Variants in C5 observed in about 807,000 individuals in gnomAD.
C5 encodes the protein C3 and PZP-like alpha-2-macroglobulin domain-containing protein 4.
In C5, 140 loss-of-function variants were observed where a neutral mutation model predicts 218.8. The ratio of observed to expected loss-of-function variants is 0.64; its 90% CI spans 0.56 to 0.74. The LOEUF is 0.74. C5 is among the 30% of genes least tolerant of loss of function. The pLI, the probability that C5 is intolerant of heterozygous loss-of-function variation, is 0.00. For synonymous variants in C5, 614 were observed against 682.3 expected (o/e 0.90, Z 1.56); for missense variants, 1,700 against 1,969.6 (o/e 0.86, Z 2.59).
At chr9:120,961,093 A>G (rs2046823971) in intron 37 of C5, among the ~76,000 whole-genome samples, 1 of 152,210 alleles carries the variant, frequency 6.6e-6, no homozygotes, top group Non-Finnish European at 1.5e-5. Context: ...GAAAGACTAA[A>G]TGGAACTGGA....
the C5 span, among the ~76,000 whole-genome samples, chr9:121,070,431 GTATATTC>G: frequency 1.8e-5 from 2 of 112,690 alleles, no homozygotes; most frequent in African/African-American, 7.9e-5. Flanking sequence ...ATATATGTAT[GTATATTC>G]TGTATGTGTA....
At chr9:121,013,300 C>T (rs1368228360) in intron 17 of C5, among the ~76,000 whole-genome samples, 1 of 131,206 alleles carries the variant, frequency 7.6e-6, no homozygotes, top group East Asian at 2.2e-4. Context: ...GCCTGGGTGA[C>T]AGAGCCAGAT....
At chr9:121,073,985 T>A in the C5 span, among the ~76,000 whole-genome samples, 1 of 152,080 alleles carries the variant, frequency 6.6e-6, no homozygotes, top group East Asian at 1.9e-4. Context: ...CAGGATAGAA[T>A]GATCGCGAGA....
At chr9:121,036,726 A>G (rs2047528375) in intron 4 of C5, among the ~76,000 whole-genome samples, 1 of 152,174 alleles carries the variant, frequency 6.6e-6, no homozygotes, top group South Asian at 2.1e-4. Flanking sequence ...AAGGATGTGT[A>G]TCACCCCCAC....
At chr9:120,994,079 T>C (rs1425440279) in intron 22 of C5, among the ~76,000 whole-genome samples, 1 of 152,150 alleles carries the variant, frequency 6.6e-6, no homozygotes, top group African/African-American at 2.4e-5. Context: ...CTAGAGCTAG[T>C]CTTAAGCATT....
intron 34 of C5, among the ~76,000 whole-genome samples, 155 bp from the exon 35 acceptor site, chr9:120,963,122 A>G (rs1231546019): frequency 1.3e-5 from 2 of 152,270 alleles, no homozygotes; most frequent in Non-Finnish European, 2.9e-5. Context: ...TGAACACATT[A>G]GCATATAAAC....
chr9:121,064,711 ATTAAATT>A, the C5 span, among the ~76,000 whole-genome samples: 1 of 152,254 alleles, frequency 6.6e-6, no homozygotes, highest in Non-Finnish European at 1.5e-5. Flanking sequence ...TGTCAATTAA[ATTAAATT>A]TTAAACATAT....
At chr9:121,031,996 G>T in intron 6 of C5, 117 bp downstream of exon 6, 1 of 611,268 alleles carries the variant, frequency 1.6e-6, no homozygotes, top group Non-Finnish European at 3.0e-6. Flanking sequence ...CCAGGAGGCG[G>T]AGGTTGCAGT....
rs3815468 is a variant in C5 at position 121,034,454 on chromosome 9, C to T, written c.584+349G>A. Among the ~76,000 whole-genome samples the T allele has an allele frequency of 7.2e-5, 11 of 152,266 alleles. No homozygotes were observed. In the East Asian group the frequency reaches 2.1e-3, roughly 29 times the overall value. ...TTATCCAGGCAAAAACTACAGACGA[C>T]CCTATTTTATAGCAACCAGAGCAAG... On this transcript the variant is annotated intron_variant, in intron 5 of 40. Coordinates refer to ENST00000223642, the MANE Select transcript of C5 (RefSeq NM_001735.3).
chr9:120,961,001 C>A (rs2046823286), intron 37 of C5, among the ~76,000 whole-genome samples: 1 of 152,162 alleles, frequency 6.6e-6, no homozygotes, highest in Non-Finnish European at 1.5e-5. Context: ...CCAAAACTAA[C>A]TGAGACCCTC....
In C5 at chr9:121,021,635, T is replaced by C. The variant is rs1229843618; in HGVS notation, c.1176A>G (p.Ala392=). Residue 392 remains alanine, a synonymous_variant, in exon 11 of 41, where the codon GCA becomes GCG. Coordinates refer to ENST00000223642, the MANE Select transcript of C5 (RefSeq NM_001735.3). ...LVGGVPVTLN[A]QTIDVNQETS... is the part of the protein sequence containing the mutation. Reference sequence around the variant, plus strand: ...TCTCTTGGTTTACATCAATTGTTTGTGCATTCAGTGTTACTGGGACTCCTC... The same window carrying C: ...TCTCTTGGTTTACATCAATTGTTTGCGCATTCAGTGTTACTGGGACTCCTC... 3 of 1,613,918 alleles carry C rather than the reference T, an allele frequency of 1.9e-6. No homozygotes were observed. Among genetic ancestry groups the C allele is most frequent in the Admixed American group, 1.7e-5 (1 of 60,012 alleles).
rs1273071813 is a variant in C5, at chr9:121,037,901, C to G, written c.472G>C (p.Glu158Gln). 6.6e-7 allele frequency: 1 copy of G among 1,511,228 alleles called. No individual in the cohort carries two copies. Among genetic ancestry groups the G allele is most frequent in the Admixed American group, 1.7e-5 (1 of 58,530 alleles). 93.6% of individuals were successfully genotyped at this position (1,511,228 alleles called of 1,614,324 possible). A position where few individuals can be genotyped will look rare whatever the true frequency, so the allele number is the denominator to read the frequency against. The change falls in exon 4 of 41, where the codon GAA becomes CAA. Residue 158 changes from glutamate to glutamine, a missense_variant. Physicochemically the swap from Glu to Gln is conservative, Grantham distance 29 (BLOSUM62 2). Coordinates refer to ENST00000223642, the MANE Select transcript of C5 (RefSeq NM_001735.3). ...LNDDLKPAKR[E>Q]TVLTFIDPEG... ...CTTACTATGAAAGTTAAGACAGTTT[C>G]TCTTTTGGCTGGCTTCAAGTCGTCA...
rs565954833 is a variant in C5, at chr9:121,040,271, G to A, written c.422-2320C>T. Among the ~76,000 whole-genome samples, 5 of 152,324 alleles carry A rather than the reference G, an allele frequency of 3.3e-5. 1 individual carries two copies. In the East Asian group the frequency reaches 5.8e-4, roughly 18 times the overall value. The stretch of plus-strand genomic sequence containing the variant: ...TGTTACACAGGCCTTAATATGGATG[G>A]GGAAACGGTGTGAGAAAGCATCTGA... On this transcript the variant is annotated intron_variant, in intron 3 of 40. Coordinates refer to ENST00000223642, the MANE Select transcript of C5 (RefSeq NM_001735.3).
At chr9:120,976,596 T>G (rs940380215) in intron 29 of C5, 104 bp downstream of exon 29, 1 of 897,244 alleles carries the variant, frequency 1.1e-6, no homozygotes, top group East Asian at 2.4e-5. Context: ...TTCATATCTA[T>G]TGCATGCTCA....
the C5 span, among the ~76,000 whole-genome samples, chr9:121,068,948 T>C: frequency 1.3e-5 from 2 of 152,088 alleles, no homozygotes; most frequent in Non-Finnish European, 2.9e-5. Flanking sequence ...TGAAACTAGA[T>C]CCCTACATCT....
chr9:121,004,855 GT>G (rs1376890890), intron 20 of C5, among the ~76,000 whole-genome samples: 1 of 152,084 alleles, frequency 6.6e-6, no homozygotes, highest in East Asian at 1.9e-4. Flanking sequence ...TGATAAAACA[GT>G]TTTATTTTAA....
At chr9:121,060,268 G>GTGCT in the C5 span, among the ~76,000 whole-genome samples, 3 of 152,152 alleles carry the variant, frequency 2.0e-5, no homozygotes, top group African/African-American at 7.2e-5. Flanking sequence ...AAAGAAAGCT[G>GTGCT]GAATAATTCG....
chr9:121,048,090 T>C (rs2047643051), intron 1 of C5, among the ~76,000 whole-genome samples: 1 of 152,220 alleles, frequency 6.6e-6, no homozygotes, highest in African/African-American at 2.4e-5. Flanking sequence ...GCAGCCCGTT[T>C]CCAGAATTAA....
intron 20 of C5, among the ~76,000 whole-genome samples, chr9:121,003,122 C>G (rs534734527): frequency 1.3e-5 from 2 of 152,216 alleles, no homozygotes; most frequent in Non-Finnish European, 1.5e-5. Context: ...GAAACCCTGT[C>G]TCTACTAAAA....
Sources: gnomAD v4.1 joint callset for allele counts (sites outside exome capture counted in the v4.1 genomes callset) on GRCh38, gnomAD v4.1.1 for gene constraint, MANE v1.5 for transcripts, NCBI Gene and HGNC (gene_info 2026-07-23, HGNC 2026-07-21) for gene names.